Variants in PIAS1 observed in about 807,000 individuals in gnomAD.
PIAS1 encodes E3 SUMO-protein ligase PIAS1.
A neutral mutation model predicts 71.3 loss-of-function variants in PIAS1; 6 were observed. The observed-to-expected ratio is 0.08, with a 90% CI of 0.05 to 0.17. The LOEUF (loss-of-function observed/expected upper bound fraction) is 0.17. Ranked by LOEUF, PIAS1 falls within the 10% of genes least tolerant of loss-of-function variation. The pLI, the probability that PIAS1 is intolerant of heterozygous loss-of-function variation, is 1.00. For missense variants in PIAS1, 555 were observed against 793.6 expected, an observed-to-expected ratio of 0.70 and a Z score of 3.61; for synonymous variants, 303 against 292.9, an observed-to-expected ratio of 1.03 and a Z score of -0.35.
chr15:68,181,155 T>C, intron 11 of PIAS1, 57 bp from the exon 12 acceptor site: 2 of 1,543,260 alleles, frequency 1.3e-6, no homozygotes, highest in South Asian at 1.2e-5. Flanking sequence ...CCTTTTTTTG[T>C]TAACCTTGAG....
At chr15:68,062,119 G>A (rs1236922650) in intron 1 of PIAS1, among the ~76,000 whole-genome samples, 1 of 152,136 alleles carries the variant, frequency 6.6e-6, no homozygotes, top group Non-Finnish European at 1.5e-5. Flanking sequence ...TTTTCTTGCT[G>A]CTGCTTAGAT....
rs368255647 is a variant in PIAS1 at position 68,118,499 on chromosome 15, G to A, written c.470-23447G>A. ...CTATAGGCATGCACCACCATGCCCT[G>A]CTAAGTCTTTTAATTTTTTTCTTTT... is the stretch of plus-strand genomic sequence containing the variant. On this transcript the variant is annotated intron_variant, in intron 2 of 13. Coordinates refer to ENST00000249636, the MANE Select transcript of PIAS1 (RefSeq NM_016166.3). Among the ~76,000 whole-genome samples the A allele has an allele frequency of 1.1e-3, 167 of 152,106 alleles. 1 individual carries two copies. Among genetic ancestry groups the A allele is most frequent in the African/African-American group, 3.9e-3 (162 of 41,498 alleles).
intron 2 of PIAS1, among the ~76,000 whole-genome samples, chr15:68,124,085 C>T (rs1288470451): frequency 6.6e-6 from 1 of 152,040 alleles, no homozygotes; most frequent in Non-Finnish European, 1.5e-5. Flanking sequence ...ATACCTTTAT[C>T]TCTCTGTGTC....
At chr15:68,108,097 C>T (rs2092488265) in intron 2 of PIAS1, among the ~76,000 whole-genome samples, 1 of 152,152 alleles carries the variant, frequency 6.6e-6, no homozygotes, top group Non-Finnish European at 1.5e-5. Flanking sequence ...TCACCATAAT[C>T]TTTTTCTTGA....
chr15:68,076,684 A>T (rs1026151502), intron 1 of PIAS1, among the ~76,000 whole-genome samples: 1 of 152,160 alleles, frequency 6.6e-6, no homozygotes, highest in African/African-American at 2.4e-5. Context: ...GTTCTTAAGG[A>T]TGACTTGGGT....
chr15:68,071,764 G>A (rs1217985839), intron 1 of PIAS1, among the ~76,000 whole-genome samples: 1 of 150,602 alleles, frequency 6.6e-6, no homozygotes, highest in Non-Finnish European at 1.5e-5. Flanking sequence ...CCTGGAGTTT[G>A]AGACCAGCCT....
Position 68,086,194 on chromosome 15 carries a change from GCC to G in PIAS1, c.25-111_25-110del. The G allele has an allele frequency of 7.5e-6, 5 of 670,508 alleles. No homozygotes were observed. The highest frequency in any genetic ancestry group is 6.4e-5 in the South Asian group (3 of 46,512). 41.5% of individuals were successfully genotyped at this position (670,508 alleles called of 1,614,324 possible). On this transcript the variant is annotated intron_variant, in intron 1 of 13. Coordinates refer to ENST00000249636, the MANE Select transcript of PIAS1 (RefSeq NM_016166.3). The surrounding 1 kb of genome is among the most constrained non-coding windows in gnomAD (Gnocchi z 7.2). ...AAATAATAGGATTATAAGTGAGCTG[GCC>G]TTTATTTGCTTAAGTAAACCATAAG...
intron 5 of PIAS1, among the ~76,000 whole-genome samples, chr15:68,146,298 A>G (rs2092807665): frequency 6.6e-6 from 1 of 152,146 alleles, no homozygotes; most frequent in Admixed American, 6.6e-5. Flanking sequence ...GTACCTATCT[A>G]AGCTTGTTAT....
At chr15:68,101,397 C>T (rs2092424832) in intron 2 of PIAS1, among the ~76,000 whole-genome samples, 2 of 146,596 alleles carry the variant, frequency 1.4e-5, no homozygotes, top group African/African-American at 2.5e-5. Context: ...TCTAGTCCTT[C>T]GTTGGGTTTG....
At chr15:68,175,155 C>T (rs992794654) in intron 9 of PIAS1, among the ~76,000 whole-genome samples, 3 of 151,956 alleles carry the variant, frequency 2.0e-5, no homozygotes, top group Non-Finnish European at 2.9e-5. Context: ...AGAATTTGGC[C>T]GTAATTAATT....
intron 2 of PIAS1, among the ~76,000 whole-genome samples, chr15:68,135,169 C>T (rs1350527786): frequency 4.3e-3 from 177 of 40,980 alleles, no homozygotes; most frequent in Middle Eastern, 0.022. Context: ...CCCTCCCGGA[C>T]GGGGTGGCTG....
At position 68,174,327 on chromosome 15, in the gene PIAS1, A is replaced by G. The variant is rs2093008996; in HGVS notation, c.1169+435A>G. ...ATTTCTGGAGATTAGATCCACCTTC[A>G]GTCATGGTCTTCTTTTTCTTTTTTG... On this transcript the variant is annotated intron_variant, in intron 9 of 13. Transcript: ENST00000249636. The surrounding 1 kb of genome is among the most constrained non-coding windows in gnomAD (Gnocchi z 4.0). 6.6e-6 allele frequency among the ~76,000 whole-genome samples: 1 copy of G among 152,204 alleles called. No homozygotes were observed. Among genetic ancestry groups the G allele is most frequent in the Non-Finnish European group, 1.5e-5 (1 of 68,042 alleles).
chr15:68,075,637 G>A (rs2092154568), intron 1 of PIAS1, among the ~76,000 whole-genome samples: 1 of 152,018 alleles, frequency 6.6e-6, no homozygotes, highest in Non-Finnish European at 1.5e-5. Context: ...GAAAAGAAAG[G>A]GTCGTTATTA....
At position 68,086,728 on chromosome 15, in the gene PIAS1, A is replaced by G; in HGVS notation, c.447A>G (p.Glu149=). The change falls in exon 2 of 14, where the codon GAA becomes GAG. Residue 149 remains glutamate (E), a synonymous_variant. Coordinates refer to ENST00000249636, the MANE Select transcript of PIAS1 (RefSeq NM_016166.3). The surrounding 1 kb of genome is among the most constrained non-coding windows in gnomAD (Gnocchi z 7.2). ...QKLPFYDLLD[E]LIKPTSLASD... ...TACCATTTTATGATTTACTGGATGA[A>G]CTGATAAAACCCACCAGTCTAGGTA... 6.2e-7 allele frequency: 1 copy of G among 1,608,418 alleles called. No individual in the cohort carries two copies. The highest frequency in any genetic ancestry group is 8.5e-7 in the Non-Finnish European group (1 of 1,174,850).
chr15:68,099,434 T>G (rs1279489341), intron 2 of PIAS1, among the ~76,000 whole-genome samples: 1 of 151,970 alleles, frequency 6.6e-6, no homozygotes, highest in African/African-American at 2.4e-5. Flanking sequence ...GTGTTGCACA[T>G]TAGCCATCAG....
intron 2 of PIAS1, among the ~76,000 whole-genome samples, chr15:68,107,855 C>A (rs745458670): frequency 2.0e-5 from 3 of 151,298 alleles, no homozygotes; most frequent in Non-Finnish European, 2.9e-5. Context: ...CCAGTAAATA[C>A]GATACATGGT....
intron 1 of PIAS1, among the ~76,000 whole-genome samples, chr15:68,079,357 C>G (rs562833215): frequency 4.8e-4 from 73 of 152,196 alleles, no homozygotes; most frequent in Middle Eastern, 6.8e-3. Context: ...GCAGAGCAGC[C>G]TTTTTCTTAA....
intron 2 of PIAS1, among the ~76,000 whole-genome samples, chr15:68,088,176 G>GTATATATATATATA (rs71455574): frequency 0.08 from 5,771 of 72,318 alleles, 522 homozygotes; most frequent in East Asian, 0.25. Flanking sequence ...TTATGTGTGT[G>GTATATATATATATA]TATATATATA....
At chr15:68,170,179 A>G (rs956004144) in intron 8 of PIAS1, among the ~76,000 whole-genome samples, 2 of 152,152 alleles carry the variant, frequency 1.3e-5, no homozygotes, top group African/African-American at 4.8e-5. Context: ...ATAAATAACA[A>G]TCAGTTTTGC....
Sources: allele counts gnomAD v4.1 joint callset (sites outside exome capture counted in the v4.1 genomes callset), GRCh38; gene constraint gnomAD v4.1.1; non-coding constraint Gnocchi (gnomAD v3.1); transcripts MANE v1.5; gene names NCBI Gene and HGNC (gene_info 2026-07-23, HGNC 2026-07-21).